The following TENM1 variants were observed in gnomAD, a reference collection of about 807,000 sequenced individuals.
TENM1 encodes the protein teneurin transmembrane protein 1, also known as teneurin-1.
TENM1 carries 35 observed loss-of-function variants against 174.8 expected under a neutral mutation model. The ratio of observed to expected loss-of-function variants is 0.20; its 90% CI spans 0.15 to 0.27. The LOEUF is 0.27. TENM1 is among the 10% of genes least tolerant of loss of function. TENM1 has a pLI of 1.00. For synonymous variants in TENM1, 781 were observed against 798.7 expected, an observed-to-expected ratio of 0.98 and a Z score of 0.37; for missense variants, 1,633 against 2,130.1, an observed-to-expected ratio of 0.77 and a Z score of 4.59.
chrX:124,658,910 C>T (rs2051520227), intron 6 of TENM1, among the ~76,000 whole-genome samples: 1 of 111,969 alleles, frequency 8.9e-6, no homozygotes, highest in Non-Finnish European at 1.9e-5. Flanking sequence ...ATTTAAAAGA[C>T]ACAATTCTCT....
chrX:125,119,743 T>C, the TENM1 span, among the ~76,000 whole-genome samples: 3 of 111,544 alleles, frequency 2.7e-5, no homozygotes, highest in South Asian at 1.1e-3. Context: ...GGAAATAATC[T>C]AGAATTCGTG....
chrX:125,136,253 A>G, the TENM1 span, among the ~76,000 whole-genome samples: 1 of 111,138 alleles, frequency 9.0e-6, no homozygotes, highest in Admixed American at 9.6e-5. Flanking sequence ...AAGGCTTCTA[A>G]GAGAGCAACT....
At position 124,666,111 on chromosome X, in the gene TENM1, G is replaced by C. The variant is rs144891375; in HGVS notation, c.1168+5572C>G. 9.4e-3 allele frequency among the ~76,000 whole-genome samples: 1,045 copies of C among 111,757 alleles called. 10 individuals carry two copies. The highest frequency in any genetic ancestry group is 0.032 in the African/African-American group (986 of 30,735). On this transcript the variant is annotated intron_variant, in intron 6 of 31. Coordinates refer to ENST00000422452, the Ensembl canonical transcript of TENM1. ...CATGGTCATATATTCAGCAGACACT[G>C]ACTAGAAAAACGTCATTTTTTTTCA...
chrX:124,486,216 G>T (rs1415569151), intron 21 of TENM1, among the ~76,000 whole-genome samples: 1 of 112,162 alleles, frequency 8.9e-6, no homozygotes, highest in African/African-American at 3.2e-5. Context: ...GATATGTGAA[G>T]ATTTCTTTTA....
rs956398780 is a variant in TENM1, at chrX:124,653,838, A to C, written c.1169-55T>G. On this transcript the variant is annotated intron_variant, in intron 6 of 31. Coordinates refer to ENST00000422452, the Ensembl canonical transcript of TENM1. The stretch of plus-strand genomic sequence containing the variant: ...CCATGTTAATCTTAATTTATAAAGC[A>C]ATGGTTTTTAGCTTTTCAAGAACAG... The C allele has an allele frequency of 3.9e-6, 4 of 1,021,195 alleles. No individual in the cohort carries two copies. The African/African-American group carries it at 7.6e-5, about 19-fold the overall frequency. The allele number at this position is 1,021,195 out of a possible 1,213,427, so 84.2% of individuals were successfully genotyped here.
chrX:124,973,321 T>G, the TENM1 span, among the ~76,000 whole-genome samples: 1 of 111,977 alleles, frequency 8.9e-6, no homozygotes, highest in South Asian at 3.7e-4. Context: ...GTAGTATAGT[T>G]TGAAGTCAGG....
At chrX:124,772,352 C>T (rs1311679942) in intron 3 of TENM1, among the ~76,000 whole-genome samples, 17 of 111,487 alleles carry the variant, frequency 1.5e-4, no homozygotes, top group African/African-American at 5.2e-4. Flanking sequence ...GCCAGGCTGG[C>T]CTTGAACTCC....
At chrX:125,010,589 C>T in the TENM1 span, among the ~76,000 whole-genome samples, 12 of 108,692 alleles carry the variant, frequency 1.1e-4, no homozygotes, top group Admixed American at 9.8e-4. Flanking sequence ...CCGAGACGGG[C>T]GGATCATGAG....
At chrX:124,819,584 G>A (rs946559050) in intron 3 of TENM1, among the ~76,000 whole-genome samples, 1 of 110,509 alleles carries the variant, frequency 9.0e-6, no homozygotes, top group African/African-American at 3.3e-5. Context: ...CTCTTCCTCA[G>A]GCAAGAGGCA....
chrX:124,909,478 C>T (rs1322012982), intron 1 of TENM1, among the ~76,000 whole-genome samples: 2 of 112,194 alleles, frequency 1.8e-5, no homozygotes, highest in African/African-American at 3.2e-5. Context: ...AGACAATGGG[C>T]ACTTCTTTTG....
the TENM1 span, among the ~76,000 whole-genome samples, chrX:125,024,296 C>T: frequency 1.8e-5 from 2 of 109,719 alleles, no homozygotes; most frequent in Non-Finnish European, 3.8e-5. Context: ...TTCACAATAG[C>T]AAAGTCATGG....
chrX:125,067,464 G>A, the TENM1 span, among the ~76,000 whole-genome samples: 15 of 111,430 alleles, frequency 1.3e-4, no homozygotes, highest in Non-Finnish European at 2.6e-4. Context: ...CAGAGCGAGG[G>A]AAATATATAG....
intron 11 of TENM1, among the ~76,000 whole-genome samples, chrX:124,618,204 T>C (rs1297400597): frequency 9.0e-6 from 1 of 111,707 alleles, no homozygotes; most frequent in Non-Finnish European, 1.9e-5. Flanking sequence ...TTCTGGAATA[T>C]ATTGGATTAT....
At chrX:124,665,593 A>T (rs1009527704) in intron 6 of TENM1, among the ~76,000 whole-genome samples, 15 of 112,346 alleles carry the variant, frequency 1.3e-4, no homozygotes, top group Non-Finnish European at 7.5e-5. Context: ...TTCCAGGAGT[A>T]TATCCCTTTT....
At chrX:125,065,396 TGA>T in the TENM1 span, among the ~76,000 whole-genome samples, 1 of 112,048 alleles carries the variant, frequency 8.9e-6, no homozygotes, top group Non-Finnish European at 1.9e-5. Flanking sequence ...GGCAATTTTG[TGA>T]GAGTTTCAAT....
chrX:124,521,246 C>G (rs183801347), intron 17 of TENM1, among the ~76,000 whole-genome samples: 1 of 111,934 alleles, frequency 8.9e-6, no homozygotes, highest in East Asian at 2.8e-4. Context: ...TCAGGCTAAG[C>G]TCTCTAAGAG....
intron 22 of TENM1, among the ~76,000 whole-genome samples, chrX:124,467,011 C>T (rs1174975436): frequency 2.7e-5 from 3 of 110,893 alleles, no homozygotes; most frequent in Admixed American, 1.9e-4. Context: ...TAATTCCTGC[C>T]CACTAAGAGA....
chrX:124,831,539 G>A (rs968098581), intron 3 of TENM1, among the ~76,000 whole-genome samples: 1 of 112,111 alleles, frequency 8.9e-6, no homozygotes, highest in Non-Finnish European at 1.9e-5. Flanking sequence ...GAAAAAGCAA[G>A]TTTACAGTCT....
chrX:124,821,174 C>T (rs763661365), intron 3 of TENM1, among the ~76,000 whole-genome samples: 14 of 112,445 alleles, frequency 1.2e-4, no homozygotes, highest in Admixed American at 1.9e-4. Flanking sequence ...GACTATCTCA[C>T]TAACTCCAAG....
Sources: gnomAD v4.1 joint callset for allele counts (sites outside exome capture counted in the v4.1 genomes callset) on GRCh38, gnomAD v4.1.1 for gene constraint, MANE v1.5 for transcripts, NCBI Gene and HGNC (gene_info 2026-07-23, HGNC 2026-07-21) for gene names.